DNAJC25: variants seen among roughly 807,000 people sequenced by gnomAD.
DNAJC25 encodes dnaJ homolog subfamily C member 25.
DNAJC25 carries 26 observed loss-of-function variants against 42.1 expected under a neutral mutation model. That is an observed-to-expected ratio of 0.62 (90% confidence interval 0.45 to 0.86). The LOEUF (loss-of-function observed/expected upper bound fraction) is 0.86. Among genes scored for constraint, DNAJC25 ranks in the 40% least tolerant of loss-of-function variants. The pLI is 0.00. For missense variants in DNAJC25, 404 were observed against 459.4 expected (o/e 0.88, Z 1.10); for synonymous variants, 189 against 179.9 (o/e 1.05, Z -0.40).
At chr9:111,651,145 T>G (rs527484132) in intron 3 of DNAJC25, among the ~76,000 whole-genome samples, 2 of 150,956 alleles carry the variant, frequency 1.3e-5, no homozygotes, top group African/African-American at 4.9e-5. Flanking sequence ...GTGCATGTAA[T>G]CCTAGCTACT....
chr9:111,631,510 C>T lies in DNAJC25; in HGVS notation c.103C>T (p.Pro35Ser), dbSNP rs1448796758. ...GCTGCCGGCGCTGCTGCTGGTGCGG[C>T]CCGCGGGGGCCCTGGTGGAGGGGCT... ...PLLPALLLVRPAGALVEGLYC... is the reference protein window; with the variant it reads ...PLLPALLLVRSAGALVEGLYC... The change falls in exon 1 of 4, where the codon CCC (proline) becomes TCC (serine). Residue 35 changes from proline to serine, a missense_variant. By Grantham distance (74) the Pro-to-Ser change is moderately conservative. Transcript: ENST00000313525. The T allele has an allele frequency of 3.6e-5, 48 of 1,331,994 alleles. No individual in the cohort carries two copies. The African/African-American group carries it at 6.5e-4, about 18-fold the overall frequency. The allele number at this position is 1,331,994 out of a possible 1,614,324, so 82.5% of individuals were successfully genotyped here. A position where few individuals can be genotyped will look rare whatever the true frequency, so the allele number is the denominator to read the frequency against.
chr9:111,645,938 AT>A (rs373850400), intron 1 of DNAJC25, among the ~76,000 whole-genome samples: 1 of 151,804 alleles, frequency 6.6e-6, no homozygotes, highest in Admixed American at 6.6e-5. Flanking sequence ...TGCAAATACA[AT>A]TTTTTTTATT....
intron 1 of DNAJC25, among the ~76,000 whole-genome samples, chr9:111,635,439 G>A (rs532848065): frequency 7.9e-5 from 12 of 152,322 alleles, no homozygotes; most frequent in African/African-American, 2.9e-4. Flanking sequence ...GAGTGGTATA[G>A]ATAAGTAAAT....
Position 111,649,571 on chromosome 9 carries a change from A to C in DNAJC25, c.608A>C (p.Glu203Ala). The C allele has an allele frequency of 6.2e-7, 1 of 1,614,114 alleles. No homozygotes were observed. The highest frequency in any genetic ancestry group is 8.5e-7 in the Non-Finnish European group (1 of 1,179,994). ...KQQGLLKKAK[E>A]KGKNKKSKEE... is the part of the protein sequence containing the mutation. Reference sequence around the variant, plus strand: ...CAGGGACTGCTCAAAAAAGCCAAAGAAAAAGGCAAAAACAAAAAGTCCAAA... The same window carrying C: ...CAGGGACTGCTCAAAAAAGCCAAAGCAAAAGGCAAAAACAAAAAGTCCAAA... The change falls in exon 3 of 4, where the codon GAA becomes GCA. Residue 203 changes from glutamate (E) to alanine (A), a missense_variant. Physicochemically the swap from Glu to Ala is moderately radical, Grantham distance 107 (BLOSUM62 -1). Transcript: ENST00000313525.
rs140621968 is a variant in DNAJC25 at position 111,649,809 on chromosome 9, A to G, written c.846A>G (p.Arg282=). The G allele has an allele frequency of 3.2e-4, 523 of 1,613,892 alleles. 6 individuals are homozygous for G. In the East Asian group the frequency reaches 0.011, roughly 33 times the overall value. The change falls in exon 3 of 4, where the codon AGA becomes AGG. Residue 282 remains arginine, a synonymous_variant. Coordinates refer to ENST00000313525, the MANE Select transcript of DNAJC25 (RefSeq NM_001015882.3). ...GCAAAGAATATGGAGAGGAAGAGAG[A>G]TTATACATTATACGTAAATCTATGA... ...IKGKEYGEEE[R]LYIIRKSMKM...
chr9:111,640,636 G>C, intron 1 of DNAJC25, among the ~76,000 whole-genome samples: 1 of 60,524 alleles, frequency 1.7e-5, no homozygotes, highest in African/African-American at 1.0e-4. Flanking sequence ...TGGGAGGTGA[G>C]GAGCGTCTCT....
Position 111,654,298 on chromosome 9 carries a change from T to TA in DNAJC25, c.*1079dup, listed in dbSNP as rs1315596238. 1 of 152,254 alleles carries TA rather than the reference T, an allele frequency of 6.6e-6. No individual in the cohort carries two copies. Among genetic ancestry groups the TA allele is most frequent in the Non-Finnish European group, 1.5e-5 (1 of 68,044 alleles). 9.4% of individuals were successfully genotyped at this position (152,254 alleles called of 1,614,324 possible). A position where few individuals can be genotyped will look rare whatever the true frequency, so the allele number is the denominator to read the frequency against. On this transcript the variant is annotated 3_prime_UTR_variant, in exon 4 of 4. Coordinates refer to ENST00000313525, the MANE Select transcript of DNAJC25 (RefSeq NM_001015882.3). ...CACGGTAGTAAATCAGTACCCCTGT[T>TA]AAAGGATTTATCCCATTGCTTCATA...
chr9:111,641,837 GC>G (rs1830476631), intron 1 of DNAJC25, among the ~76,000 whole-genome samples: 2 of 79,872 alleles, frequency 2.5e-5, no homozygotes, highest in Non-Finnish European at 5.1e-5. Context: ...CCGGCCAGCC[GC>G]CCCGTCCGGG....
Position 111,653,510 on chromosome 9 carries a change from A to G in DNAJC25, c.*288A>G, listed in dbSNP as rs1830696803. 1 of 212,620 alleles carries G rather than the reference A, an allele frequency of 4.7e-6. No homozygotes were observed. Among genetic ancestry groups the G allele is most frequent in the Non-Finnish European group, 8.9e-6 (1 of 112,198 alleles). The allele number at this position is 212,620 out of a possible 1,614,324, so 13.2% of individuals were successfully genotyped here. A position where few individuals can be genotyped will look rare whatever the true frequency, so the allele number is the denominator to read the frequency against. ...TTTATATGTTTAGTTAAAAGATTTG[A>G]CATGAAAATTTATTAGATACCATTT... On this transcript the variant is annotated 3_prime_UTR_variant, in exon 4 of 4. Coordinates refer to ENST00000313525, the MANE Select transcript of DNAJC25 (RefSeq NM_001015882.3).
intron 1 of DNAJC25, among the ~76,000 whole-genome samples, chr9:111,639,950 C>CCGTCTG (rs1331084768): frequency 4.0e-4 from 60 of 150,756 alleles, no homozygotes; most frequent in African/African-American, 1.3e-3. Context: ...GTCTCCGTCT[C>CCGTCTG]CGTCTCCGTC....
intron 1 of DNAJC25, among the ~76,000 whole-genome samples, chr9:111,641,357 G>T (rs1830459838): frequency 2.1e-5 from 3 of 146,120 alleles, no homozygotes; most frequent in Non-Finnish European, 3.0e-5. Context: ...GGAGGTGGGG[G>T]GGTCAGCCCC....
intron 1 of DNAJC25, among the ~76,000 whole-genome samples, chr9:111,642,627 A>AAATC (rs1830497087): frequency 6.6e-6 from 1 of 151,570 alleles, no homozygotes. Flanking sequence ...ATAAATAAAT[A>AAATC]AATAAATAAA....
chr9:111,641,167 G>T (rs1203993515), intron 1 of DNAJC25, among the ~76,000 whole-genome samples: 6 of 123,640 alleles, frequency 4.9e-5, no homozygotes, highest in Non-Finnish European at 8.4e-5. Context: ...GCCCCATCCG[G>T]GAGGGAGGTG....
chr9:111,641,697 C>T (rs1458180250), intron 1 of DNAJC25, among the ~76,000 whole-genome samples: 334 of 109,584 alleles, frequency 3.0e-3, no homozygotes, highest in Admixed American at 8.8e-3. Flanking sequence ...AGCCCCCCTG[C>T]CCGGCCAGCC....
At chr9:111,640,062 G>C (rs554764254) in intron 1 of DNAJC25, among the ~76,000 whole-genome samples, 1 of 151,568 alleles carries the variant, frequency 6.6e-6, no homozygotes, top group African/African-American at 2.4e-5. Context: ...TCAGTCTGCC[G>C]AATGCCTGCG....
intron 1 of DNAJC25, chr9:111,643,084 C>G: frequency 3.1e-6 from 1 of 321,480 alleles, no homozygotes; most frequent in Non-Finnish European, 6.4e-6. Flanking sequence ...AAAGTACTAC[C>G]TTATTGAAAG....
chr9:111,647,271 TG>T lies in DNAJC25; in HGVS notation c.489+14del. ...TTTCGGTGTTTCAGGTATGTATCAA[TG>T]GATATTTTTATCTACATTTATGTGC... On this transcript the variant is annotated intron_variant, in intron 2 of 3. Transcript: ENST00000313525. 6.2e-7 allele frequency: 1 copy of T among 1,613,706 alleles called. No homozygotes were observed. The highest frequency in any genetic ancestry group is 8.5e-7 in the Non-Finnish European group (1 of 1,179,816).
At chr9:111,643,733 T>TAA (rs376492392) in intron 1 of DNAJC25, among the ~76,000 whole-genome samples, 6 of 140,060 alleles carry the variant, frequency 4.3e-5, no homozygotes, top group African/African-American at 1.6e-4. Context: ...CACTGGAGAT[T>TAA]AAAAAAAAAA....
intron 1 of DNAJC25, chr9:111,643,235 G>C (rs1830510512): frequency 4.0e-6 from 1 of 247,410 alleles, no homozygotes; most frequent in Non-Finnish European, 8.2e-6. Context: ...TGGTGAGATG[G>C]AGACCTATGT....
Sources: allele counts gnomAD v4.1 joint callset (sites outside exome capture counted in the v4.1 genomes callset), GRCh38; gene constraint gnomAD v4.1.1; transcripts MANE v1.5; gene names NCBI Gene and HGNC (gene_info 2026-07-23, HGNC 2026-07-21).